The following MAGI1 variants were observed in gnomAD, a reference collection of about 807,000 sequenced individuals.
MAGI1 encodes membrane associated guanylate kinase, WW and PDZ domain containing 1.
A neutral mutation model predicts 139.9 loss-of-function variants in MAGI1; 58 were observed. The ratio of observed to expected loss-of-function variants is 0.41; its 90% CI spans 0.34 to 0.52. The LOEUF (loss-of-function observed/expected upper bound fraction) is 0.52, where lower values mean the gene tolerates loss of function less well. Among genes scored for constraint, MAGI1 ranks in the 20% least tolerant of loss-of-function variants. MAGI1 has a pLI of 0.12. For synonymous variants in MAGI1, 812 were observed against 737.9 expected (o/e 1.10, Z -1.63); for missense variants, 1,874 against 1,901.6 (o/e 0.99, Z 0.27).
intron 1 of MAGI1, among the ~76,000 whole-genome samples, chr3:65,834,232 T>A (rs2042683168): frequency 6.6e-6 from 1 of 152,192 alleles, no homozygotes; most frequent in Non-Finnish European, 1.5e-5. Flanking sequence ...CTACTTTAGA[T>A]TGGGTAATTA....
chr3:65,581,984 CCTAGTGTATGT>C (rs1174000691), intron 2 of MAGI1, among the ~76,000 whole-genome samples: 1 of 152,116 alleles, frequency 6.6e-6, no homozygotes, highest in Non-Finnish European at 1.5e-5. Flanking sequence ...ACAACTGGAA[CCTAGTGTATGT>C]CAGGCATTGC....
At chr3:65,651,640 G>A (rs1559755369) in intron 1 of MAGI1, among the ~76,000 whole-genome samples, 2 of 152,044 alleles carry the variant, frequency 1.3e-5, no homozygotes, top group South Asian at 2.1e-4. Context: ...CAAATTATTT[G>A]TCTCCTTCTT....
intron 8 of MAGI1, among the ~76,000 whole-genome samples, chr3:65,440,751 A>T (rs111732379): frequency 6.6e-6 from 1 of 151,972 alleles, no homozygotes; most frequent in South Asian, 2.1e-4. Context: ...AATGACAAAG[A>T]TCCAAACACT....
chr3:65,801,673 G>A (rs1240974950), intron 1 of MAGI1, among the ~76,000 whole-genome samples: 1 of 152,172 alleles, frequency 6.6e-6, no homozygotes, highest in Non-Finnish European at 1.5e-5. Context: ...TTTAAAAAAT[G>A]CAGATAGGTT....
intron 1 of MAGI1, among the ~76,000 whole-genome samples, chr3:65,717,146 T>C (rs998276583): frequency 1.3e-5 from 2 of 152,130 alleles, no homozygotes; most frequent in Admixed American, 6.6e-5. Flanking sequence ...GAAATATATA[T>C]GATAACAGAA....
chr3:65,378,121 A>G (rs902262324), intron 17 of MAGI1, among the ~76,000 whole-genome samples: 1 of 152,222 alleles, frequency 6.6e-6, no homozygotes, highest in African/African-American at 2.4e-5. Context: ...TTACCCAATC[A>G]GGAAGGTGGA....
At chr3:65,483,370 G>A (rs1248458871) in intron 3 of MAGI1, among the ~76,000 whole-genome samples, 1 of 152,186 alleles carries the variant, frequency 6.6e-6, no homozygotes, top group African/African-American at 2.4e-5. Context: ...TTGAGTTCAT[G>A]ACTCTAACCT....
intron 1 of MAGI1, among the ~76,000 whole-genome samples, chr3:65,715,868 GATTTGTAA>G (rs996217678): frequency 6.6e-6 from 1 of 152,302 alleles, no homozygotes; most frequent in Non-Finnish European, 1.5e-5. Flanking sequence ...TTCCGTTTTG[GATTTGTAA>G]ATTTGTAAAT....
At chr3:65,830,338 A>C (rs371752600) in intron 1 of MAGI1, among the ~76,000 whole-genome samples, 1 of 152,150 alleles carries the variant, frequency 6.6e-6, no homozygotes, top group East Asian at 1.9e-4. Context: ...AAAAAAAAAA[A>C]CACAGAGAGA....
chr3:65,876,031 A>G (rs1559967511), intron 1 of MAGI1, among the ~76,000 whole-genome samples: 1 of 151,784 alleles, frequency 6.6e-6, no homozygotes, highest in Non-Finnish European at 1.5e-5. Context: ...AGGTTTAGCT[A>G]TGCTGTGAGG....
chr3:65,742,525 G>A (rs889662419), intron 1 of MAGI1, among the ~76,000 whole-genome samples: 10 of 152,098 alleles, frequency 6.6e-5, no homozygotes, highest in South Asian at 4.1e-4. Flanking sequence ...TGTCCTCATC[G>A]CTGAAATAAA....
chr3:65,814,258 T>C (rs961462349), intron 1 of MAGI1, among the ~76,000 whole-genome samples: 1 of 152,100 alleles, frequency 6.6e-6, no homozygotes, highest in African/African-American at 2.4e-5. Flanking sequence ...AAAACAGTCA[T>C]GATAAAATTC....
chr3:65,416,494 A>G (rs771181557), intron 12 of MAGI1, among the ~76,000 whole-genome samples: 14 of 152,200 alleles, frequency 9.2e-5, no homozygotes, highest in Admixed American at 9.2e-4. Context: ...GCATGAGACA[A>G]TGGGGAAGCT....
chr3:65,386,408 C>T (rs1943455596), intron 14 of MAGI1, among the ~76,000 whole-genome samples: 1 of 152,178 alleles, frequency 6.6e-6, no homozygotes, highest in East Asian at 1.9e-4. Flanking sequence ...GACACACAGA[C>T]ACGTTACAAA....
chr3:65,369,676 T>C (rs1253354234), intron 18 of MAGI1, among the ~76,000 whole-genome samples: 1 of 152,060 alleles, frequency 6.6e-6, no homozygotes, highest in African/African-American at 2.4e-5. Context: ...GCCTGGCTAA[T>C]TTTTTGTATT....
chr3:65,420,334 C>T (rs1054883589), intron 12 of MAGI1, among the ~76,000 whole-genome samples: 2 of 151,986 alleles, frequency 1.3e-5, no homozygotes, highest in Non-Finnish European at 2.9e-5. Context: ...GCTGGAATAC[C>T]GTTTCCTTCT....
chr3:65,827,307 G>T (rs925994654), intron 1 of MAGI1, among the ~76,000 whole-genome samples: 24 of 152,132 alleles, frequency 1.6e-4, no homozygotes, highest in Non-Finnish European at 1.3e-4. Flanking sequence ...TGGGAAGTAA[G>T]ACAGTAAGTG....
chr3:65,783,968 C>A (rs1367561391), intron 1 of MAGI1, among the ~76,000 whole-genome samples: 1 of 151,882 alleles, frequency 6.6e-6, no homozygotes, highest in Admixed American at 6.6e-5. Flanking sequence ...ACTAAAAATA[C>A]AAAAATTAGC....
intron 12 of MAGI1, among the ~76,000 whole-genome samples, chr3:65,425,965 C>T (rs1378785712): frequency 6.6e-6 from 1 of 152,132 alleles, no homozygotes; most frequent in Non-Finnish European, 1.5e-5. Context: ...TCTCTAGATG[C>T]ACACTGATGT....
Sources: allele counts gnomAD v4.1 joint callset (sites outside exome capture counted in the v4.1 genomes callset), GRCh38; gene constraint gnomAD v4.1.1; transcripts MANE v1.5; gene names NCBI Gene and HGNC (gene_info 2026-07-23, HGNC 2026-07-21).